Variants in BTNL9 observed in about 807,000 individuals in gnomAD.
BTNL9 encodes butyrophilin-like protein 9.
BTNL9 carries 45 observed loss-of-function variants against 45.8 expected under a neutral mutation model. That is an observed-to-expected ratio of 0.98 (90% CI 0.77 to 1.26). The LOEUF is 1.26. Ranked by LOEUF, BTNL9 falls within the 50% of genes most tolerant of loss-of-function variation. The pLI, the probability that BTNL9 is intolerant of heterozygous loss-of-function variation, is 0.00. For missense variants in BTNL9, 784 were observed against 729.7 expected (o/e 1.07, Z -0.86); for synonymous variants, 346 against 330.8 (o/e 1.05, Z -0.50).
chr5:181,047,021 G>A (rs1169445728), intron 2 of BTNL9, among the ~76,000 whole-genome samples: 4 of 152,202 alleles, frequency 2.6e-5, no homozygotes, highest in Admixed American at 2.6e-4. Flanking sequence ...AACAAAGGAA[G>A]GTCCCTCCAT....
chr5:181,046,135 C>CTGT (rs1554154220), intron 2 of BTNL9, among the ~76,000 whole-genome samples: 6 of 122,932 alleles, frequency 4.9e-5, no homozygotes, highest in East Asian at 2.5e-4. Context: ...CCCCCAACAC[C>CTGT]TCCTCCACCA....
Position 181,059,622 on chromosome 5 carries a change from G to A in BTNL9, c.1368G>A (p.Glu456=), listed in dbSNP as rs770024119. The A allele has an allele frequency of 2.5e-6, 4 of 1,613,456 alleles. No individual in the cohort carries two copies. Among genetic ancestry groups the A allele is most frequent in the Admixed American group, 1.7e-5 (1 of 60,010 alleles). The change falls in exon 11 of 11, where the codon GAG becomes GAA. Residue 456 remains glutamate, a synonymous_variant. Coordinates refer to ENST00000327705, the MANE Select transcript of BTNL9 (RefSeq NM_152547.5). ...GCCTGGGCGTCTTCCTGGACTACGA[G>A]GCCGGAGAGCTGTCCTTCTTCAACG... is the stretch of plus-strand genomic sequence containing the variant. ...PRRLGVFLDY[E]AGELSFFNVS...
At chr5:181,057,882 C>G (rs1172876974) in intron 9 of BTNL9, among the ~76,000 whole-genome samples, 2 of 152,138 alleles carry the variant, frequency 1.3e-5, no homozygotes, top group Non-Finnish European at 1.5e-5. Flanking sequence ...CAAAACAAAA[C>G]AAGATAAAAC....
chr5:181,059,847 C>T lies in BTNL9; in HGVS notation c.1593C>T (p.Ala531=). ...WLQPYEPADP[A]LDWW The stretch of plus-strand genomic sequence containing the variant: ...AGCCCTATGAGCCCGCGGACCCCGC[C>T]CTGGACTGGTGGTGAGGCGCCCTCG... The change falls in exon 11 of 11, where the codon GCC becomes GCT. Residue 531 remains alanine (A), a synonymous_variant. Transcript: ENST00000327705. The T allele has an allele frequency of 6.4e-7, 1 of 1,574,268 alleles. No homozygotes were observed. Among genetic ancestry groups the T allele is most frequent in the Non-Finnish European group, 8.6e-7 (1 of 1,165,852 alleles).
chr5:181,061,067 G>C lies in BTNL9; in HGVS notation c.*1205G>C, dbSNP rs573532985. ...AATGCTGGGTGTACAGGCATGAGCC[G>C]CTGTGCCTGGCTTCATTTTCAGAGT... On this transcript the variant is annotated 3_prime_UTR_variant, in exon 11 of 11. Coordinates refer to ENST00000327705, the MANE Select transcript of BTNL9 (RefSeq NM_152547.5). 1.3e-5 allele frequency: 2 copies of C among 152,232 alleles called. No individual in the cohort carries two copies. Among genetic ancestry groups the C allele is most frequent in the Non-Finnish European group, 2.9e-5 (2 of 68,066 alleles). The allele number at this position is 152,232 out of a possible 1,614,324, so 9.4% of individuals were successfully genotyped here. A position where few individuals can be genotyped will look rare whatever the true frequency, so the allele number is the denominator to read the frequency against.
In BTNL9 at chr5:181,050,159, A is replaced by C; in HGVS notation, c.526A>C (p.Ser176Arg). The change falls in exon 4 of 11, where the codon AGT becomes CGT. Residue 176 changes from serine to arginine, a missense_variant. Ser to Arg is a moderately radical substitution (Grantham distance 110). Transcript: ENST00000327705. This position sits in a 1 kb window ranked among gnomAD's most constrained non-coding sequence, Gnocchi z 4.9. ...AGGCATTCAGCTGAGGCTCAGATCC[A>C]GTGGCTGGTACCCCAAGCCTAAGGT... The part of the protein sequence containing the change: ...EGGIQLRLRS[S>R]GWYPKPKVQW... 6.2e-7 allele frequency: 1 copy of C among 1,614,096 alleles called. No individual in the cohort carries two copies. Among genetic ancestry groups the C allele is most frequent in the Admixed American group, 1.7e-5 (1 of 60,032 alleles).
chr5:181,046,778 C>G (rs529345955), intron 2 of BTNL9, among the ~76,000 whole-genome samples: 1 of 152,112 alleles, frequency 6.6e-6, no homozygotes, highest in South Asian at 2.1e-4. Flanking sequence ...GATTTGTTCC[C>G]GGAAAGCTGA....
chr5:181,053,084 G>A lies in BTNL9; in HGVS notation c.737-116G>A, dbSNP rs1409231072. On this transcript the variant is annotated intron_variant, in intron 4 of 10. Transcript: ENST00000327705. This position sits in a 1 kb window ranked among gnomAD's most constrained non-coding sequence, Gnocchi z 6.5. ...CACGCCCGTTTCCCAGGCGGCTGCG[G>A]TGGCGCCCGGAGAAGGTCCCGCGGG... 7.0e-6 allele frequency: 6 copies of A among 862,880 alleles called. No individual in the cohort carries two copies. Among genetic ancestry groups the A allele is most frequent in the Non-Finnish European group, 1.0e-5 (6 of 597,318 alleles). 53.5% of individuals were successfully genotyped at this position (862,880 alleles called of 1,614,324 possible). A position where few individuals can be genotyped will look rare whatever the true frequency, so the allele number is the denominator to read the frequency against.
chr5:181,053,299 A>T lies in BTNL9; in HGVS notation c.836A>T (p.Lys279Met), dbSNP rs1421899150. Reference sequence around the variant, plus strand: ...GCGCTGGCGCTGGGCGTCCTCCGGAAGCAGCGGAGAAGCCGAGGTACCGGC... The same window carrying T: ...GCGCTGGCGCTGGGCGTCCTCCGGATGCAGCGGAGAAGCCGAGGTACCGGC... ...LAALALGVLR[K>M]QRRSREKLRK... Residue 279 changes from lysine (K) to methionine (M), a missense_variant, in exon 5 of 11, where the codon AAG becomes ATG. Coordinates refer to ENST00000327705, the MANE Select transcript of BTNL9 (RefSeq NM_152547.5). This position sits in a 1 kb window ranked among gnomAD's most constrained non-coding sequence, Gnocchi z 6.5. 1 of 1,574,560 alleles carries T rather than the reference A, an allele frequency of 6.4e-7. No individual in the cohort carries two copies.
At position 181,048,192 on chromosome 5, in the gene BTNL9, C is replaced by G; in HGVS notation, c.375C>G (p.Pro125=). 6.2e-7 allele frequency: 1 copy of G among 1,613,500 alleles called. No homozygotes were observed. The highest frequency in any genetic ancestry group is 8.5e-7 in the Non-Finnish European group (1 of 1,180,034). Residue 125 remains proline, a synonymous_variant, in exon 3 of 11, where the codon CCC becomes CCG. Transcript: ENST00000327705. ...TCCTGCAGCTTCACAGCATCATCCC[C>G]TCTGACAAGGGCACATATGGCTGCC... is the stretch of plus-strand genomic sequence containing the variant. The part of the protein sequence containing the change: ...SVVLQLHSII[P]SDKGTYGCRF...
intron 9 of BTNL9, 94 bp from the exon 10 acceptor site, chr5:181,058,258 C>A: frequency 1.4e-6 from 2 of 1,405,042 alleles, no homozygotes; most frequent in Non-Finnish European, 2.0e-6. Context: ...ATTCGATCTG[C>A]ATGCATCCCT....
chr5:181,056,758 A>G, intron 9 of BTNL9: 2 of 608,176 alleles, frequency 3.3e-6, no homozygotes, highest in Non-Finnish European at 6.0e-6. Flanking sequence ...TCCTGCCACC[A>G]GCCATGCAGT....
rs1326556720 is a variant in BTNL9, at chr5:181,055,811, C to G, written c.929-178C>G. 1 of 773,026 alleles carries G rather than the reference C, an allele frequency of 1.3e-6. No individual in the cohort carries two copies. Among genetic ancestry groups the G allele is most frequent in the Non-Finnish European group, 2.3e-6 (1 of 425,708 alleles). The allele number at this position is 773,026 out of a possible 1,614,324, so 47.9% of individuals were successfully genotyped here. On this transcript the variant is annotated intron_variant, in intron 8 of 10. Coordinates refer to ENST00000327705, the MANE Select transcript of BTNL9 (RefSeq NM_152547.5). This position sits in a 1 kb window ranked among gnomAD's most constrained non-coding sequence, Gnocchi z 4.4. Reference sequence around the variant, plus strand: ...TTTCTCCTCATTCATCATTTTGCATCTGATTCCCCATATATCTTCTTCTCA... The same window carrying G: ...TTTCTCCTCATTCATCATTTTGCATGTGATTCCCCATATATCTTCTTCTCA...
At position 181,046,906 on chromosome 5, in the gene BTNL9, A is replaced by G. The variant is rs143544134; in HGVS notation, c.110-1021A>G. 1.1e-3 allele frequency among the ~76,000 whole-genome samples: 172 copies of G among 152,326 alleles called. No individual in the cohort carries two copies. In the East Asian group the frequency reaches 0.023, roughly 20 times the overall value. ...GGTGTGCCCAGGGAAACAGTCAGAC[A>G]TCGGTGTGTGGAGAGAGACAGCCGG... is the stretch of plus-strand genomic sequence containing the variant. On this transcript the variant is annotated intron_variant, in intron 2 of 10. Transcript: ENST00000327705.
chr5:181,050,430 C>T lies in BTNL9; in HGVS notation c.736+61C>T. 6.4e-7 allele frequency: 1 copy of T among 1,561,310 alleles called. No homozygotes were observed. Among genetic ancestry groups the T allele is most frequent in the Non-Finnish European group, 8.7e-7 (1 of 1,144,440 alleles). On this transcript the variant is annotated intron_variant, in intron 4 of 10. Coordinates refer to ENST00000327705, the MANE Select transcript of BTNL9 (RefSeq NM_152547.5). This position sits in a 1 kb window ranked among gnomAD's most constrained non-coding sequence, Gnocchi z 4.9. Reference sequence around the variant, plus strand: ...CCTCATGTGTACATACACATTGGCCCAAAGGCAGTCTATAAAGACACAATG... The same window carrying T: ...CCTCATGTGTACATACACATTGGCCTAAAGGCAGTCTATAAAGACACAATG...
intron 1 of BTNL9, among the ~76,000 whole-genome samples, chr5:181,043,695 A>C (rs1364012192): frequency 1.3e-5 from 2 of 152,234 alleles, no homozygotes; most frequent in Non-Finnish European, 2.9e-5. Flanking sequence ...TGGAGCTCTA[A>C]CCTGTGTCTA....
chr5:181,053,862 T>C lies in BTNL9; in HGVS notation c.886+361T>C, dbSNP rs761989276. On this transcript the variant is annotated intron_variant, in intron 6 of 10. Transcript: ENST00000327705. This position sits in a 1 kb window ranked among gnomAD's most constrained non-coding sequence, Gnocchi z 6.5. Reference sequence around the variant, plus strand: ...CATAGCGCACAGGGAGTCGGGCGGATGCGCAACATCTCCGCACAGGGTCAG... The same window carrying C: ...CATAGCGCACAGGGAGTCGGGCGGACGCGCAACATCTCCGCACAGGGTCAG... The C allele has an allele frequency of 5.3e-6, 8 of 1,500,666 alleles. No individual in the cohort carries two copies. In the South Asian group the frequency reaches 8.4e-5, roughly 16 times the overall value. The allele number at this position is 1,500,666 out of a possible 1,614,324, so 93.0% of individuals were successfully genotyped here.
chr5:181,047,172 C>T (rs966605837), intron 2 of BTNL9, among the ~76,000 whole-genome samples: 38 of 152,176 alleles, frequency 2.5e-4, no homozygotes, highest in African/African-American at 8.9e-4. Context: ...GGCAGGGAAC[C>T]GTGCGTGCGG....
At chr5:181,054,403 AAGGGGCTGAAAGGATGGCTG>A in intron 7 of BTNL9, 144 bp downstream of exon 7, 1 of 1,494,502 alleles carries the variant, frequency 6.7e-7, no homozygotes, top group East Asian at 2.3e-5. Flanking sequence ...TTCCCTTGCT[AAGGGGCTGAAAGGATGGCTG>A]CCTGCCACCG....
Sources: gnomAD v4.1 joint callset for allele counts (sites outside exome capture counted in the v4.1 genomes callset) on GRCh38, gnomAD v4.1.1 for gene constraint, Gnocchi (gnomAD v3.1) non-coding constraint, MANE v1.5 for transcripts, NCBI Gene and HGNC (gene_info 2026-07-23, HGNC 2026-07-21) for gene names.